NCALD: variants seen among roughly 807,000 people sequenced by gnomAD.
NCALD encodes neurocalcin delta, also known as neurocalcin-delta.
Under a neutral mutation model 18.6 loss-of-function variants are expected in NCALD, and 10 were observed. That is an observed-to-expected ratio of 0.54 (90% confidence interval 0.33 to 0.91). The LOEUF (loss-of-function observed/expected upper bound fraction) is 0.91, where lower values mean the gene tolerates loss of function less well. Among genes scored for constraint, NCALD ranks in the 40% least tolerant of loss-of-function variants. The pLI is 0.03. For synonymous variants in NCALD, 88 were observed against 87.4 expected (o/e 1.01, Z -0.04); for missense variants, 184 against 247.6 (o/e 0.74, Z 1.72).
chr8:101,828,555 CCTT>C lies in NCALD; in HGVS notation c.-20+58583_-20+58585del, dbSNP rs1293472427. On this transcript the variant is annotated intron_variant, in intron 4 of 6. Coordinates refer to the NCALD transcript ENST00000311028. ...TGTATTCCTTGGCACTCCCTAATTTCCTTCTTTTTTTTTTTTGCCCATAATATT... is the reference window on the plus strand; with the variant it reads ...TGTATTCCTTGGCACTCCCTAATTTCCTTTTTTTTTTTTGCCCATAATATT... Among the ~76,000 whole-genome samples the C allele has an allele frequency of 5.8e-5, 5 of 86,444 alleles. No homozygotes were observed. In the East Asian group the frequency reaches 1.5e-3, roughly 26 times the overall value. The allele number at this position is 86,444 out of a possible 152,430, so 56.7% of individuals were successfully genotyped here.
chr8:101,690,744 T>C, intron 3 of NCALD: 7 of 985,480 alleles, frequency 7.1e-6, no homozygotes, highest in Non-Finnish European at 7.2e-6. Context: ...CCAAGCTCTG[T>C]GTGCTGGCCA....
At chr8:101,732,309 C>T (rs924989250) in intron 1 of NCALD, among the ~76,000 whole-genome samples, 9 of 152,140 alleles carry the variant, frequency 5.9e-5, no homozygotes, top group Non-Finnish European at 1.0e-4. Context: ...TGATCCAGGG[C>T]TCATCACTTA....
chr8:101,835,814 C>T (rs1814389150), intron 4 of NCALD, among the ~76,000 whole-genome samples: 1 of 152,104 alleles, frequency 6.6e-6, no homozygotes, highest in African/African-American at 2.4e-5. Context: ...AAATCTACAC[C>T]ACCAAGGGGA....
intron 2 of NCALD, among the ~76,000 whole-genome samples, chr8:101,921,425 CATGTT>C (rs1563898392): frequency 1.3e-5 from 2 of 151,934 alleles, no homozygotes; most frequent in African/African-American, 2.4e-5. Context: ...TCCCAACTGA[CATGTT>C]AGGAAAACAT....
intron 2 of NCALD, among the ~76,000 whole-genome samples, chr8:101,917,602 A>AAAGAG (rs58152919): frequency 0.046 from 7,054 of 151,800 alleles, 257 homozygotes; most frequent in African/African-American, 0.1. Context: ...TAACAAAAAA[A>AAAGAG]AAGATACAAA....
chr8:101,926,690 A>T (rs1488492837), intron 2 of NCALD, among the ~76,000 whole-genome samples: 1 of 152,090 alleles, frequency 6.6e-6, no homozygotes, highest in African/African-American at 2.4e-5. Flanking sequence ...TCTTCTCCCC[A>T]CTTAGGCTCA....
At chr8:102,020,012 T>C (rs1160020779) in intron 2 of NCALD, among the ~76,000 whole-genome samples, 1 of 152,186 alleles carries the variant, frequency 6.6e-6, no homozygotes, top group African/African-American at 2.4e-5. Flanking sequence ...ATTTATATTC[T>C]CTCCTTTTCA....
At chr8:102,118,134 A>G (rs1825844523) in intron 1 of NCALD, among the ~76,000 whole-genome samples, 2 of 152,204 alleles carry the variant, frequency 1.3e-5, no homozygotes, top group Admixed American at 1.3e-4. Flanking sequence ...AGTTTGGCCA[A>G]TTGGGAGGCA....
chr8:101,959,955 T>A (rs1325405109), intron 2 of NCALD, among the ~76,000 whole-genome samples: 4 of 145,272 alleles, frequency 2.8e-5, no homozygotes, highest in African/African-American at 1.0e-4. Flanking sequence ...TCCAACGTCC[T>A]TCCTGAACCA....
chr8:101,956,747 A>C (rs1819643033), intron 2 of NCALD, among the ~76,000 whole-genome samples: 1 of 152,150 alleles, frequency 6.6e-6, no homozygotes, highest in South Asian at 2.1e-4. Flanking sequence ...ATAACCTCAC[A>C]AAACTGAGTA....
chr8:102,117,301 C>G (rs1825817922), intron 1 of NCALD, among the ~76,000 whole-genome samples: 1 of 152,212 alleles, frequency 6.6e-6, no homozygotes, highest in Admixed American at 6.5e-5. Context: ...CAAAGCAGCC[C>G]ATTCCGTGTT....
intron 1 of NCALD, among the ~76,000 whole-genome samples, chr8:102,085,201 G>A (rs1465680270): frequency 6.6e-6 from 1 of 152,092 alleles, no homozygotes; most frequent in Non-Finnish European, 1.5e-5. Flanking sequence ...GGGATGTCCT[G>A]TGCATTGTAA....
intron 2 of NCALD, among the ~76,000 whole-genome samples, chr8:101,949,164 T>C (rs891318108): frequency 1.3e-5 from 2 of 152,224 alleles, no homozygotes; most frequent in Admixed American, 6.5e-5. Context: ...TGTATTTGCA[T>C]AGAACTTTCA....
At chr8:102,021,936 C>T (rs1822289090) in intron 1 of NCALD, among the ~76,000 whole-genome samples, 3 of 152,094 alleles carry the variant, frequency 2.0e-5, no homozygotes, top group Admixed American at 2.0e-4. Flanking sequence ...ACCGGAAAAG[C>T]CATAGCCCTC....
chr8:102,080,673 C>T (rs577980390), intron 1 of NCALD, among the ~76,000 whole-genome samples: 5 of 152,270 alleles, frequency 3.3e-5, no homozygotes, highest in African/African-American at 7.2e-5. Flanking sequence ...CCTCTGGGAA[C>T]GCTAAATGTT....
intron 1 of NCALD, among the ~76,000 whole-genome samples, chr8:101,753,354 G>T (rs969723110): frequency 2.0e-5 from 3 of 152,176 alleles, no homozygotes; most frequent in Admixed American, 6.5e-5. Flanking sequence ...AATTTAAGAG[G>T]TATTTTTAAG....
intron 2 of NCALD, among the ~76,000 whole-genome samples, chr8:101,994,047 G>A (rs1238902083): frequency 6.6e-6 from 1 of 152,150 alleles, no homozygotes; most frequent in Non-Finnish European, 1.5e-5. Flanking sequence ...TAAGTGTTAT[G>A]TTCACCAAAG....
rs142451019 is a variant in NCALD, at chr8:101,801,094, A to C, written c.-19-81446T>G. Reference sequence around the variant, plus strand: ...AAAGGGAAAGAAAGAGGAAGGAAGGAGGAAAAAGAAAGAGAAAGAAACAAA... The same window carrying C: ...AAAGGGAAAGAAAGAGGAAGGAAGGCGGAAAAAGAAAGAGAAAGAAACAAA... On this transcript the variant is annotated intron_variant, in intron 4 of 6. Transcript: ENST00000311028. Among the ~76,000 whole-genome samples the C allele has an allele frequency of 5.7e-3, 866 of 152,046 alleles. 10 individuals are homozygous for C. Among genetic ancestry groups the C allele is most frequent in the African/African-American group, 0.018 (761 of 41,502 alleles).
chr8:101,689,056 C>T lies in NCALD; in HGVS notation c.*253G>A, dbSNP rs943478700. 1.4e-6 allele frequency: 1 copy of T among 701,824 alleles called. No homozygotes were observed. The highest frequency in any genetic ancestry group is 2.0e-5 in the Admixed American group (1 of 49,654). The allele number at this position is 701,824 out of a possible 1,614,324, so 43.5% of individuals were successfully genotyped here. On this transcript the variant is annotated 3_prime_UTR_variant, in exon 4 of 4. Transcript: ENST00000220931. This position sits in a 1 kb window ranked among gnomAD's most constrained non-coding sequence, Gnocchi z 4.4. ...TTAGAATAAAAAAAAATAATAGTAA[C>T]GATTAAAAATCATCAAACAATGAAC...
Sources: gnomAD v4.1 joint callset for allele counts (sites outside exome capture counted in the v4.1 genomes callset) on GRCh38, gnomAD v4.1.1 for gene constraint, Gnocchi (gnomAD v3.1) non-coding constraint, MANE v1.5 for transcripts, NCBI Gene and HGNC (gene_info 2026-07-23, HGNC 2026-07-21) for gene names.